Variants in WDR33 observed in about 807,000 individuals in gnomAD.
WDR33 encodes pre-mRNA 3' end processing protein WDR33.
WDR33 carries 47 observed loss-of-function variants against 164.9 expected under a neutral mutation model. The ratio of observed to expected loss-of-function variants is 0.29; its 90% CI spans 0.23 to 0.36. The LOEUF (loss-of-function observed/expected upper bound fraction) is 0.36, where lower values mean the gene tolerates loss of function less well. Among genes scored for constraint, WDR33 ranks in the 10% least tolerant of loss-of-function variants. WDR33 has a pLI of 1.00. For synonymous variants in WDR33, 505 were observed against 589.0 expected, an observed-to-expected ratio of 0.86 and a Z score of 2.06; for missense variants, 1,137 against 1,754.1, an observed-to-expected ratio of 0.65 and a Z score of 6.28.
chr2:127,736,319 C>A (rs146495595), intron 7 of WDR33: 2 of 985,088 alleles, frequency 2.0e-6, no homozygotes, highest in South Asian at 4.7e-5. Context: ...TGTAAAGGGG[C>A]CTTTAACCTT....
chr2:127,798,825 T>C (rs904062224), intron 1 of WDR33: 1 of 151,900 alleles, frequency 6.6e-6, no homozygotes, highest in African/African-American at 2.4e-5. Context: ...TGAACCTCCC[T>C]CTACTAAGTA....
Position 127,738,052 on chromosome 2 carries a change from T to C in WDR33, c.725-11275A>G. 1.2e-6 allele frequency: 2 copies of C among 1,612,820 alleles called. No homozygotes were observed. Among genetic ancestry groups the C allele is most frequent in the Non-Finnish European group, 1.7e-6 (2 of 1,179,406 alleles). The stretch of plus-strand genomic sequence containing the variant: ...TAACAACGGCAGTGATGAAAACATG[T>C]ATCTATCAAAACAAGAAGGGTGCAT... On this transcript the variant is annotated intron_variant, in intron 7 of 21. Coordinates refer to ENST00000322313, the MANE Select transcript of WDR33 (RefSeq NM_018383.5). The surrounding 1 kb of genome is among the most constrained non-coding windows in gnomAD (Gnocchi z 4.4).
rs1317176965 is a variant in WDR33 at position 127,738,995 on chromosome 2, A to T, written c.725-12218T>A. Among the ~76,000 whole-genome samples the T allele has an allele frequency of 1.3e-5, 2 of 152,248 alleles. No homozygotes were observed. Among genetic ancestry groups the T allele is most frequent in the Non-Finnish European group, 2.9e-5 (2 of 68,036 alleles). On this transcript the variant is annotated intron_variant, in intron 7 of 21. Transcript: ENST00000322313. The surrounding 1 kb of genome is among the most constrained non-coding windows in gnomAD (Gnocchi z 4.4). The stretch of plus-strand genomic sequence containing the variant: ...ATAAAAGACACACAAGAACCTTAAA[A>T]ATTTTTGCCCACAGACCTCAGAAAA...
chr2:127,768,396 G>A lies in WDR33; in HGVS notation c.274-103C>T, dbSNP rs369271146. ...ATTTCAACATTTAAAGACAAATTTG[G>A]GACCATATAGAACTTTCCCATAAAA... On this transcript the variant is annotated intron_variant, in intron 3 of 21. Coordinates refer to ENST00000322313, the MANE Select transcript of WDR33 (RefSeq NM_018383.5). 135 of 614,814 alleles carry A rather than the reference G, an allele frequency of 2.2e-4. 1 individual carries two copies. The East Asian group carries it at 3.4e-3, about 16-fold the overall frequency. 38.1% of individuals were successfully genotyped at this position (614,814 alleles called of 1,614,324 possible).
chr2:127,717,146 G>T lies in WDR33; in HGVS notation c.2869+9C>A. On this transcript the variant is annotated intron_variant, in intron 17 of 21. Coordinates refer to ENST00000322313, the MANE Select transcript of WDR33 (RefSeq NM_018383.5). The surrounding 1 kb of genome is among the most constrained non-coding windows in gnomAD (Gnocchi z 5.6). Reference sequence around the variant, plus strand: ...ATATAATCTTTTATTCAGCTGAGCAGATATTTACCTTTGTTGGGGCCAGGT... The same window carrying T: ...ATATAATCTTTTATTCAGCTGAGCATATATTTACCTTTGTTGGGGCCAGGT... The T allele has an allele frequency of 6.3e-7, 1 of 1,591,982 alleles. No homozygotes were observed. The highest frequency in any genetic ancestry group is 1.7e-5 in the Admixed American group (1 of 57,490).
In WDR33 at chr2:127,712,594, C is replaced by A. The variant is rs1686208714; in HGVS notation, c.3308+989G>T. Among the ~76,000 whole-genome samples, 1 of 152,192 alleles carries A rather than the reference C, an allele frequency of 6.6e-6. No homozygotes were observed. Among genetic ancestry groups the A allele is most frequent in the African/African-American group, 2.4e-5 (1 of 41,448 alleles). On this transcript the variant is annotated intron_variant, in intron 18 of 21. Coordinates refer to ENST00000322313, the MANE Select transcript of WDR33 (RefSeq NM_018383.5). This position sits in a 1 kb window ranked among gnomAD's most constrained non-coding sequence, Gnocchi z 4.0. ...CAGCATAAGATGCTGACAGTCGCACCTATCTCACAAATTCTTTAAATAAAA... is the reference window on the plus strand; with the variant it reads ...CAGCATAAGATGCTGACAGTCGCACATATCTCACAAATTCTTTAAATAAAA...
In WDR33 at chr2:127,735,272, G is replaced by C. The variant is rs1032853897; in HGVS notation, c.725-8495C>G. The C allele has an allele frequency of 9.7e-6, 6 of 616,478 alleles. No individual in the cohort carries two copies. The highest frequency in any genetic ancestry group is 1.2e-5 in the Non-Finnish European group (6 of 493,410). The allele number at this position is 616,478 out of a possible 1,614,324, so 38.2% of individuals were successfully genotyped here. A position where few individuals can be genotyped will look rare whatever the true frequency, so the allele number is the denominator to read the frequency against. ...TCAGGCCCTCACCCCTCCTCCACCT[G>C]ATCACCCCTCCTCCACCTCATCAGA... On this transcript the variant is annotated intron_variant, in intron 7 of 21. Coordinates refer to ENST00000322313, the MANE Select transcript of WDR33 (RefSeq NM_018383.5). This position sits in a 1 kb window ranked among gnomAD's most constrained non-coding sequence, Gnocchi z 4.3.
At chr2:127,791,747 C>T (rs891442549) in intron 1 of WDR33, among the ~76,000 whole-genome samples, 8 of 152,148 alleles carry the variant, frequency 5.3e-5, no homozygotes, top group African/African-American at 1.9e-4. Flanking sequence ...ATATTTACCA[C>T]TTCATCAGTG....
intron 1 of WDR33, among the ~76,000 whole-genome samples, chr2:127,804,147 C>T (rs1007298941): frequency 6.6e-6 from 1 of 151,928 alleles, no homozygotes; most frequent in African/African-American, 2.4e-5. Context: ...CGGTGAAACC[C>T]TGTCTCTACT....
intron 4 of WDR33, 52 bp downstream of exon 4, chr2:127,768,137 G>C (rs1448171707): frequency 8.0e-6 from 9 of 1,129,896 alleles, no homozygotes; most frequent in Admixed American, 2.9e-5. Context: ...AAATACATTT[G>C]CTATATAACG....
chr2:127,733,240 T>C (rs1469842620), intron 7 of WDR33, among the ~76,000 whole-genome samples: 2 of 152,136 alleles, frequency 1.3e-5, no homozygotes, highest in African/African-American at 4.8e-5. Context: ...CAGCACCAAA[T>C]CTGCTCCAGA....
In WDR33 at chr2:127,763,013, A is replaced by G. The variant is rs200928100; in HGVS notation, c.724+49T>C. ...GTGGTTTTGTGATGATTTAACCACA[A>G]ATGTCTTCCCTATTTAAATATTCCA... On this transcript the variant is annotated intron_variant, in intron 7 of 21. Transcript: ENST00000322313. This position sits in a 1 kb window ranked among gnomAD's most constrained non-coding sequence, Gnocchi z 4.5. The G allele has an allele frequency of 9.9e-5, 160 of 1,612,602 alleles. 1 individual carries two copies. The African/African-American group carries it at 1.9e-3, about 19-fold the overall frequency.
Position 127,764,253 on chromosome 2 carries a change from C to G in WDR33, c.626+575G>C. On this transcript the variant is annotated intron_variant, in intron 6 of 21. Transcript: ENST00000322313. The surrounding 1 kb of genome is among the most constrained non-coding windows in gnomAD (Gnocchi z 6.2). The stretch of plus-strand genomic sequence containing the variant: ...ATCAGAAGAAAAGTCCTAGAGTCTT[C>G]TTGACAATGATCTGCTTACAGCTGC... 1 of 1,185,936 alleles carries G rather than the reference C, an allele frequency of 8.4e-7. No individual in the cohort carries two copies. Among genetic ancestry groups the G allele is most frequent in the South Asian group, 3.1e-5 (1 of 32,462 alleles). The allele number at this position is 1,185,936 out of a possible 1,614,324, so 73.5% of individuals were successfully genotyped here.
At chr2:127,736,062 G>A (rs1242297043) in intron 7 of WDR33, 3 of 985,302 alleles carry the variant, frequency 3.0e-6, no homozygotes, top group Non-Finnish European at 3.6e-6. Flanking sequence ...GAGCAATGCT[G>A]AATTTTAAAA....
At position 127,711,192 on chromosome 2, in the gene WDR33, A is replaced by C. The variant is rs1423174910; in HGVS notation, c.3309-1336T>G. On this transcript the variant is annotated intron_variant, in intron 18 of 21. Coordinates refer to ENST00000322313, the MANE Select transcript of WDR33 (RefSeq NM_018383.5). ...GTAATCCCAGCACTTTGGGAGGCCGAGGCAGGCAGATCACTTGAGGCCAGG... is the reference window on the plus strand; with the variant it reads ...GTAATCCCAGCACTTTGGGAGGCCGCGGCAGGCAGATCACTTGAGGCCAGG... Among the ~76,000 whole-genome samples the C allele has an allele frequency of 2.6e-5, 4 of 152,190 alleles. No homozygotes were observed. The East Asian group carries it at 7.7e-4, about 29-fold the overall frequency.
chr2:127,785,322 A>G (rs1306528703), intron 1 of WDR33, among the ~76,000 whole-genome samples: 1 of 152,190 alleles, frequency 6.6e-6, no homozygotes, highest in Non-Finnish European at 1.5e-5. Context: ...ATGCATCATT[A>G]TCACCCAAAG....
In WDR33 at chr2:127,724,476, A is replaced by C; in HGVS notation, c.1086-33T>G. 1 of 1,586,008 alleles carries C rather than the reference A, an allele frequency of 6.3e-7. No homozygotes were observed. The highest frequency in any genetic ancestry group is 1.7e-4 in the Middle Eastern group (1 of 5,994). ...AGCACCAAAGAGAGAAGATTTGTTC[A>C]CAAAAGTTACCCAGCTTCTCCCTCC... On this transcript the variant is annotated intron_variant, in intron 10 of 21. Transcript: ENST00000322313. The surrounding 1 kb of genome is among the most constrained non-coding windows in gnomAD (Gnocchi z 4.8).
intron 1 of WDR33, among the ~76,000 whole-genome samples, chr2:127,808,168 TC>T (rs1222802576): frequency 6.6e-6 from 1 of 152,002 alleles, no homozygotes; most frequent in Non-Finnish European, 1.5e-5. Flanking sequence ...CCAATTAAAT[TC>T]ATCACAGAAA....
chr2:127,701,770 G>A lies in WDR33; in HGVS notation c.*4553C>T. Reference sequence around the variant, plus strand: ...CGCGGGCAGCGGCTGGCGGCGGGCGGCGGGTGCCTGCTGCTGGCTGCACTG... The same window carrying A: ...CGCGGGCAGCGGCTGGCGGCGGGCGACGGGTGCCTGCTGCTGGCTGCACTG... On this transcript the variant is annotated 3_prime_UTR_variant, in exon 22 of 22. Coordinates refer to ENST00000322313, the MANE Select transcript of WDR33 (RefSeq NM_018383.5). The A allele has an allele frequency of 7.0e-7, 1 of 1,428,238 alleles. No homozygotes were observed. The highest frequency in any genetic ancestry group is 1.5e-5 in the African/African-American group (1 of 67,262). 88.5% of individuals were successfully genotyped at this position (1,428,238 alleles called of 1,614,324 possible). A position where few individuals can be genotyped will look rare whatever the true frequency, so the allele number is the denominator to read the frequency against.
Sources: gnomAD v4.1 joint callset for allele counts (sites outside exome capture counted in the v4.1 genomes callset) on GRCh38, gnomAD v4.1.1 for gene constraint, Gnocchi (gnomAD v3.1) non-coding constraint, MANE v1.5 for transcripts, NCBI Gene and HGNC (gene_info 2026-07-23, HGNC 2026-07-21) for gene names.